Variants in FRS2 observed in about 807,000 individuals in gnomAD.
FRS2 encodes the protein fibroblast growth factor receptor substrate 2, also known as FGFR signalling adaptor.
A neutral mutation model predicts 43.9 loss-of-function variants in FRS2; 8 were observed. That is an observed-to-expected ratio of 0.18 (90% CI 0.11 to 0.33). The LOEUF (loss-of-function observed/expected upper bound fraction) is 0.33, where lower values mean the gene tolerates loss of function less well. Ranked by LOEUF, FRS2 falls within the 10% of genes least tolerant of loss-of-function variation. FRS2 has a pLI of 1.00. For synonymous variants in FRS2, 219 were observed against 220.3 expected (o/e 0.99, Z 0.05); for missense variants, 534 against 627.6 (o/e 0.85, Z 1.59).
Position 69,574,890 on chromosome 12 carries a change from G to C in FRS2, c.1462G>C (p.Ala488Pro). The C allele has an allele frequency of 6.8e-6, 11 of 1,613,936 alleles. No homozygotes were observed. The highest frequency in any genetic ancestry group is 9.3e-6 in the Non-Finnish European group (11 of 1,179,938). The change falls in exon 9 of 9, where the codon GCA (alanine) becomes CCA (proline). Residue 488 changes from alanine (A) to proline (P), a missense_variant. Around this residue, in one of 3 missense-constraint regions of FRS2, gnomAD observed 446 missense variants for 494.2 expected, o/e 0.90. Transcript: ENST00000549921. ...RTAAMSNLQK[A>P]LPRDDGTSRK... ...TGCTGCTATGTCAAATTTGCAGAAAGCACTGCCACGAGATGATGGTACATC... is the reference window on the plus strand; with the variant it reads ...TGCTGCTATGTCAAATTTGCAGAAACCACTGCCACGAGATGATGGTACATC...
chr12:69,508,065 T>C (rs1450428050), intron 1 of FRS2, among the ~76,000 whole-genome samples: 1 of 140,220 alleles, frequency 7.1e-6, no homozygotes, highest in Admixed American at 7.1e-5. Context: ...GTTGCTGCAG[T>C]GCTGCAGTTC....
chr12:69,498,519 TTGTGTGTGTGTGTG>T (rs71094717), intron 1 of FRS2, among the ~76,000 whole-genome samples: 2 of 141,502 alleles, frequency 1.4e-5, no homozygotes, highest in Non-Finnish European at 1.5e-5. Context: ...TTATGAGGGT[TTGTGTGTGTGTGTG>T]TGTGTGTGTG....
intron 1 of FRS2, among the ~76,000 whole-genome samples, chr12:69,506,589 T>G (rs1318306105): frequency 6.6e-6 from 1 of 152,176 alleles, no homozygotes; most frequent in Admixed American, 6.5e-5. Context: ...TTTCAAATGC[T>G]TTTATAGCAT....
At chr12:69,538,197 T>TATATATATATATATATATATATATATA (rs1555189565) in intron 3 of FRS2, among the ~76,000 whole-genome samples, 5 of 81,632 alleles carry the variant, frequency 6.1e-5, no homozygotes, top group Admixed American at 1.2e-4. Context: ...AAAACAAATT[T>TATATATATATATATATATATATATATA]TATATATATA....
rs569006681 is a variant in FRS2 at position 69,473,566 on chromosome 12, G to C, written c.-261+3036G>C. 7.9e-5 allele frequency among the ~76,000 whole-genome samples: 12 copies of C among 152,246 alleles called. No homozygotes were observed. In the East Asian group the frequency reaches 2.3e-3, roughly 29 times the overall value. On this transcript the variant is annotated intron_variant, in intron 1 of 8. Transcript: ENST00000549921. The stretch of plus-strand genomic sequence containing the variant: ...GAGATGAGGTTTGAATTTTAAGTGG[G>C]GGCAGGATTGTGGAGCATGTTTAAG...
intron 1 of FRS2, among the ~76,000 whole-genome samples, chr12:69,500,561 T>G (rs927205571): frequency 1.3e-5 from 2 of 152,198 alleles, no homozygotes; most frequent in Non-Finnish European, 2.9e-5. Context: ...TATTAGAACA[T>G]TTCTTTTGGT....
chr12:69,562,006 A>G (rs1233407845), intron 3 of FRS2, 174 bp from the exon 4 acceptor site: 2 of 362,948 alleles, frequency 5.5e-6, no homozygotes, highest in African/African-American at 4.2e-5. Context: ...TAACATGTGC[A>G]TATTATATTA....
chr12:69,495,426 A>G (rs1302330236), intron 1 of FRS2, among the ~76,000 whole-genome samples: 4 of 152,196 alleles, frequency 2.6e-5, no homozygotes, highest in South Asian at 2.1e-4. Context: ...CTTATTTACC[A>G]TTAGAAATTC....
intron 3 of FRS2, among the ~76,000 whole-genome samples, chr12:69,545,364 A>G (rs1432743835): frequency 1.3e-5 from 2 of 152,214 alleles, no homozygotes; most frequent in South Asian, 2.1e-4. Flanking sequence ...GGTGACTCAC[A>G]CTTCCTGATT....
chr12:69,556,578 G>T (rs781584610), intron 3 of FRS2, among the ~76,000 whole-genome samples: 1 of 151,584 alleles, frequency 6.6e-6, no homozygotes, highest in Non-Finnish European at 1.5e-5. Flanking sequence ...TGCCTGCCTT[G>T]GCCAAAGTGC....
intron 3 of FRS2, among the ~76,000 whole-genome samples, chr12:69,561,063 C>A (rs954339923): frequency 3.3e-5 from 5 of 152,052 alleles, no homozygotes; most frequent in Non-Finnish European, 2.9e-5. Context: ...TTAAAAGAGT[C>A]GGGCAAAGAG....
intron 8 of FRS2, 129 bp downstream of exon 8, chr12:69,572,410 ACAAT>A (rs1199993658): frequency 1.1e-5 from 8 of 718,798 alleles, no homozygotes; most frequent in African/African-American, 8.7e-5. Context: ...TTTGTAGTGA[ACAAT>A]CAGAGGAGAT....
chr12:69,552,422 C>T (rs540674804), intron 3 of FRS2, among the ~76,000 whole-genome samples: 1 of 151,600 alleles, frequency 6.6e-6, no homozygotes, highest in East Asian at 1.9e-4. Flanking sequence ...CTGAGGATCA[C>T]TTTTTTGGTA....
intron 1 of FRS2, among the ~76,000 whole-genome samples, chr12:69,526,432 G>A (rs566529580): frequency 6.6e-6 from 1 of 152,112 alleles, no homozygotes; most frequent in South Asian, 2.1e-4. Flanking sequence ...AACCAATTAA[G>A]CTTACGATTC....
intron 1 of FRS2, among the ~76,000 whole-genome samples, chr12:69,508,111 T>G (rs553186588): frequency 2.0e-5 from 3 of 152,218 alleles, no homozygotes; most frequent in African/African-American, 7.2e-5. Flanking sequence ...TACTGTTTTC[T>G]TTGCATATTT....
Position 69,574,512 on chromosome 12 carries a change from C to T in FRS2, c.1084C>T (p.Arg362Cys), listed in dbSNP as rs187299511. 2.8e-5 allele frequency: 45 copies of T among 1,613,978 alleles called. No homozygotes were observed. The Admixed American group carries it at 5.8e-4, about 21-fold the overall frequency. The change falls in exon 9 of 9, where the codon CGC (arginine) becomes TGC (cysteine). Residue 362 changes from arginine to cysteine, a missense_variant. Physicochemically the swap from Arg to Cys is radical, Grantham distance 180. Transcript: ENST00000549921. ...LPSLPPVWEARKLSRDEDDNL... is the reference protein window; with the variant it reads ...LPSLPPVWEACKLSRDEDDNL... ...ATCTTTGCCTCCTGTTTGGGAAGCCCGCAAGCTAAGTAGGGATGAAGATGA... is the reference window on the plus strand; with the variant it reads ...ATCTTTGCCTCCTGTTTGGGAAGCCTGCAAGCTAAGTAGGGATGAAGATGA...
rs187740991 is a variant in FRS2, at chr12:69,492,127, T to G, written c.-261+21597T>G. 1.2e-3 allele frequency among the ~76,000 whole-genome samples: 189 copies of G among 152,366 alleles called. 1 individual carries two copies. The highest frequency in any genetic ancestry group is 3.9e-3 in the African/African-American group (161 of 41,594). Reference sequence around the variant, plus strand: ...TTTCACTTGTTTACTTCATCAAAAATGTATTATTTTCATTATTAGCAGTCA... The same window carrying G: ...TTTCACTTGTTTACTTCATCAAAAAGGTATTATTTTCATTATTAGCAGTCA... On this transcript the variant is annotated intron_variant, in intron 1 of 8. Transcript: ENST00000549921.
intron 1 of FRS2, among the ~76,000 whole-genome samples, chr12:69,514,069 G>A (rs1431822701): frequency 6.6e-6 from 1 of 151,534 alleles, no homozygotes; most frequent in African/African-American, 2.4e-5. Context: ...TTTTCTGTGT[G>A]GGTGAGGCAG....
At chr12:69,509,331 A>G (rs1408826937) in intron 1 of FRS2, among the ~76,000 whole-genome samples, 1 of 152,146 alleles carries the variant, frequency 6.6e-6, no homozygotes, top group Admixed American at 6.5e-5. Context: ...ATTTTCAGCC[A>G]GTCATATGGT....
Sources: allele counts gnomAD v4.1 joint callset (sites outside exome capture counted in the v4.1 genomes callset), GRCh38; gene constraint gnomAD v4.1.1; regional missense constraint gnomAD v4.1.1; transcripts MANE v1.5; gene names NCBI Gene and HGNC (gene_info 2026-07-23, HGNC 2026-07-21).